HELZ2: variants seen among roughly 807,000 people sequenced by gnomAD.
HELZ2 encodes helicase with zinc finger 2.
Under a neutral mutation model 208.8 loss-of-function variants are expected in HELZ2, and 143 were observed. The observed-to-expected ratio is 0.68, with a 90% confidence interval of 0.60 to 0.79. The LOEUF (loss-of-function observed/expected upper bound fraction) is 0.79, where lower values mean the gene tolerates loss of function less well. HELZ2 is among the 30% of genes least tolerant of loss of function. The pLI is 0.00. For missense variants in HELZ2, 3,690 were observed against 3,794.5 expected, an observed-to-expected ratio of 0.97 and a Z score of 0.72; for synonymous variants, 1,705 against 1,693.7, an observed-to-expected ratio of 1.01 and a Z score of -0.16.
intron 18 of HELZ2, 27 bp downstream of exon 19, chr20:63,559,901 C>A (rs776033857): frequency 6.2e-7 from 1 of 1,603,014 alleles, no homozygotes; most frequent in South Asian, 1.1e-5. Flanking sequence ...GTGTTCCCAC[C>A]CTGGAAGAGC....
At position 63,561,414 on chromosome 20, in the gene HELZ2, C is replaced by T. The variant is rs1252367830; in HGVS notation, c.6889G>A (p.Glu2297Lys). ...AGCCGGGTGTCAAAGGCCTTGATTT[C>T]CGACGAGTAAGGGTTGGGGGCCTGC... is the stretch of plus-strand genomic sequence containing the variant. The change falls in exon 13 of 19, where the codon GAA (glutamate) becomes AAA (lysine). Residue 2297 changes from glutamate to lysine, a missense_variant. Glu to Lys is a moderately conservative substitution (Grantham distance 56). Around this residue, in one of 3 missense-constraint regions of HELZ2, gnomAD observed 2,564 missense variants for 2,580.5 expected, o/e 0.99. Transcript: ENST00000467148. 1.9e-6 allele frequency: 3 copies of T among 1,612,696 alleles called. No individual in the cohort carries two copies. In the Admixed American group the frequency reaches 5.0e-5, roughly 27 times the overall value.
chr20:63,558,545 G>GT (rs911707952), downstream of HELZ2: 2,256 of 146,954 alleles, frequency 0.015, 61 homozygotes, highest in African/African-American at 0.051. Context: ...GTTTTGTTTT[G>GT]TTTTTTTTTT....
exon 10 of HELZ2, chr20:63,562,151 G>A: frequency 6.2e-7 from 1 of 1,612,088 alleles, no homozygotes; most frequent in Non-Finnish European, 8.5e-7. Flanking sequence ...TCAGCTTGTG[G>A]CGGCCTCCGG....
exon 8 of HELZ2, chr20:63,563,064 C>T (rs868691667): frequency 6.3e-6 from 10 of 1,598,586 alleles, no homozygotes; most frequent in East Asian, 2.3e-5. Context: ...AAGCAGTCTC[C>T]GGGCCGCTCC....
At chr20:63,564,170 G>A in exon 8 of HELZ2, 1 of 1,611,802 alleles carries the variant, frequency 6.2e-7, no homozygotes, top group Non-Finnish European at 8.5e-7. Flanking sequence ...CCACCGCAGA[G>A]GCGTGACCGT....
Position 63,561,343 on chromosome 20 carries a change from C to T in HELZ2, c.6953+7G>A, listed in dbSNP as rs1479070941. 1.2e-6 allele frequency: 2 copies of T among 1,612,974 alleles called. No homozygotes were observed. Among genetic ancestry groups the T allele is most frequent in the South Asian group, 1.1e-5 (1 of 91,080 alleles). On this transcript the variant is annotated splice_region_variant and intron_variant, in intron 13 of 18. Coordinates refer to ENST00000467148, the Ensembl canonical transcript of HELZ2. ...GGCAGCTCCACCCCCTGGCCCCTGC[C>T]ACTTACCAGACCAGGTCCTCCCTGG...
exon 8 of HELZ2, chr20:63,564,283 G>A (rs1205966533): frequency 1.1e-5 from 18 of 1,609,204 alleles, no homozygotes; most frequent in East Asian, 2.2e-5. Context: ...CCAGGGTGCC[G>A]TCCTCGTCCG....
exon 8 of HELZ2, chr20:63,564,258 G>T: frequency 6.2e-7 from 1 of 1,611,554 alleles, no homozygotes; most frequent in Non-Finnish European, 8.5e-7. Context: ...ACCATGATGT[G>T]GGCCGCGCGG....
exon 6 of HELZ2, chr20:63,566,847 G>T: frequency 1.3e-6 from 2 of 1,594,360 alleles, no homozygotes; most frequent in Non-Finnish European, 8.5e-7. Context: ...GGCTCACCTG[G>T]GCACCGTGGG....
exon 4 of HELZ2, chr20:63,569,220 G>A: frequency 1.9e-6 from 3 of 1,557,884 alleles, no homozygotes; most frequent in Non-Finnish European, 2.6e-6. Flanking sequence ...ATAGTTGGTT[G>A]GTGAGATGGG....
At chr20:63,558,992 G>A (rs310627), downstream of HELZ2, 306,670 of 435,788 alleles carry the variant, frequency 0.7, 108,990 homozygotes, top group African/African-American at 0.8. Flanking sequence ...GAACTTCCTT[G>A]CACTGGTCCC....
intron 3 of HELZ2, 80 bp from the exon 5 acceptor site, chr20:63,569,745 A>G: frequency 7.2e-7 from 1 of 1,390,692 alleles, no homozygotes; most frequent in Non-Finnish European, 9.5e-7. Flanking sequence ...AGCGTAGCCC[A>G]AGTGCAGGGT....
At chr20:63,571,542 C>G in intron 1 of HELZ2, 1 of 255,282 alleles carries the variant, frequency 3.9e-6, no homozygotes. Flanking sequence ...GAACCTCTGG[C>G]TCTGCCTACG....
exon 8 of HELZ2, chr20:63,565,899 C>T (rs554497375): frequency 6.3e-7 from 1 of 1,597,288 alleles, no homozygotes; most frequent in Non-Finnish European, 8.5e-7. Context: ...GGGGCAGCCT[C>T]CCAGTTCCCC....
At chr20:63,567,720 G>C in intron 5 of HELZ2, 93 bp from the exon 7 acceptor site, 1 of 1,492,480 alleles carries the variant, frequency 6.7e-7, no homozygotes, top group Non-Finnish European at 8.9e-7. Context: ...AGCTGCCCCT[G>C]AGCACAGCCC....
At chr20:63,562,441 C>A (rs1050121062) in intron 8 of HELZ2, 59 bp from the exon 10 acceptor site, 38 of 1,527,760 alleles carry the variant, frequency 2.5e-5, no homozygotes, top group Non-Finnish European at 3.2e-5. Context: ...GGGCTGCTGC[C>A]CCACGAGCTC....
intron 2 of HELZ2, 36 bp from the exon 4 acceptor site, chr20:63,570,647 A>AGCCCCCCCCCCC: frequency 1.3e-6 from 2 of 1,497,370 alleles, no homozygotes; most frequent in East Asian, 2.3e-5. Flanking sequence ...AGAGGCCTGG[A>AGCCCCCCCCCCC]CCCCACCCCA....
At chr20:63,569,224 A>G (rs2082994405) in exon 4 of HELZ2, 1 of 1,557,972 alleles carries the variant, frequency 6.4e-7, no homozygotes. Context: ...TTGGTTGGTG[A>G]GATGGGGCCC....
In HELZ2 at chr20:63,567,081, C is replaced by T. The variant is rs1485304399; in HGVS notation, c.2277G>A (p.Val759=). ...TGGCGTGGATGGGGTTGCCCTTGGC[C>T]ACGTAGAAGTGCCGCGAGATGAAGC... Residue 759 remains valine, a synonymous_variant, in exon 6 of 19, where the codon GTG becomes GTA. Coordinates refer to ENST00000467148, the Ensembl canonical transcript of HELZ2. 6 of 1,612,076 alleles carry T rather than the reference C, an allele frequency of 3.7e-6. No homozygotes were observed. The African/African-American group carries it at 5.3e-5, about 14-fold the overall frequency.
Sources: gnomAD v4.1 joint callset for allele counts on GRCh38, gnomAD v4.1.1 for gene constraint, gnomAD v4.1.1 regional missense constraint, MANE v1.5 for transcripts, NCBI Gene and HGNC (gene_info 2026-07-23, HGNC 2026-07-21) for gene names.